The following CACNA1E variants were observed in gnomAD, a reference collection of about 807,000 sequenced individuals.
CACNA1E encodes voltage-dependent R-type calcium channel subunit alpha-1E.
Under a neutral mutation model 259.2 loss-of-function variants are expected in CACNA1E, and 40 were observed. That is an observed-to-expected ratio of 0.15 (90% CI 0.12 to 0.20). The LOEUF (loss-of-function observed/expected upper bound fraction) is 0.20. Among genes scored for constraint, CACNA1E ranks in the 10% least tolerant of loss-of-function variants. The probability of loss-of-function intolerance (pLI) is 1.00; values close to 1 mark genes in which losing one functional copy is unlikely to be tolerated. For missense variants in CACNA1E, 1,874 were observed against 3,040.1 expected, an observed-to-expected ratio of 0.62 and a Z score of 9.02; for synonymous variants, 1,104 against 1,138.5, an observed-to-expected ratio of 0.97 and a Z score of 0.61.
intron 1 of CACNA1E, among the ~76,000 whole-genome samples, chr1:181,324,885 G>A (rs762195917): frequency 1.3e-5 from 2 of 152,260 alleles, no homozygotes; most frequent in East Asian, 3.9e-4. Context: ...GCGGACAGAG[G>A]TTAGCTTAGC....
chr1:181,338,122 C>G (rs1295519082), intron 1 of CACNA1E, among the ~76,000 whole-genome samples: 3 of 152,048 alleles, frequency 2.0e-5, no homozygotes, highest in African/African-American at 7.2e-5. Flanking sequence ...GTCTCGTGCT[C>G]TCACCCAGGC....
intron 3 of CACNA1E, among the ~76,000 whole-genome samples, chr1:181,538,771 A>T (rs1046777073): frequency 6.6e-6 from 1 of 152,208 alleles, no homozygotes; most frequent in Non-Finnish European, 1.5e-5. Flanking sequence ...GGGAAAGTGG[A>T]GGAAAGCAAA....
chr1:181,373,568 C>T (rs1360224178), intron 1 of CACNA1E, among the ~76,000 whole-genome samples: 4 of 136,730 alleles, frequency 2.9e-5, no homozygotes, highest in Admixed American at 8.0e-5. Flanking sequence ...GACGGAGACT[C>T]GCTCTGTCGC....
At chr1:181,563,855 A>G (rs1258876967) in intron 3 of CACNA1E, among the ~76,000 whole-genome samples, 4 of 152,234 alleles carry the variant, frequency 2.6e-5, no homozygotes, top group South Asian at 2.1e-4. Context: ...AGAAAGTCAC[A>G]TAAATTCTTT....
chr1:181,713,994 C>T (rs1428734155), intron 8 of CACNA1E, among the ~76,000 whole-genome samples: 2 of 152,196 alleles, frequency 1.3e-5, no homozygotes, highest in Admixed American at 6.5e-5. Context: ...ATTATTTCAT[C>T]ATCAACCAGT....
intron 1 of CACNA1E, among the ~76,000 whole-genome samples, chr1:181,393,826 A>G (rs1044929959): frequency 1.3e-5 from 2 of 152,216 alleles, no homozygotes; most frequent in African/African-American, 2.4e-5. Context: ...CTTAAAAACC[A>G]TTACATTTCA....
intron 3 of CACNA1E, among the ~76,000 whole-genome samples, chr1:181,573,243 G>A (rs1650598526): frequency 6.6e-6 from 1 of 152,178 alleles, no homozygotes; most frequent in East Asian, 1.9e-4. Context: ...TCACTGCGGT[G>A]TTTCCCATTC....
At chr1:181,633,947 A>G (rs1225402200) in intron 6 of CACNA1E, among the ~76,000 whole-genome samples, 1 of 152,244 alleles carries the variant, frequency 6.6e-6, no homozygotes, top group African/African-American at 2.4e-5. Flanking sequence ...GGGTTTTCCT[A>G]TTAGCCTATG....
At chr1:181,453,782 C>G (rs1415630910) in intron 2 of CACNA1E, among the ~76,000 whole-genome samples, 1 of 152,166 alleles carries the variant, frequency 6.6e-6, no homozygotes, top group Admixed American at 6.5e-5. Flanking sequence ...GAGCTGTGGG[C>G]TCCAGAGGAA....
At chr1:181,368,740 C>T (rs974441161) in intron 1 of CACNA1E, among the ~76,000 whole-genome samples, 2 of 152,110 alleles carry the variant, frequency 1.3e-5, no homozygotes, top group East Asian at 1.9e-4. Flanking sequence ...CAAAGCCCCT[C>T]GCACTCCACA....
intron 3 of CACNA1E, among the ~76,000 whole-genome samples, chr1:181,532,469 C>A (rs1572124073): frequency 6.6e-6 from 1 of 152,228 alleles, no homozygotes; most frequent in Admixed American, 6.5e-5. Context: ...AAGCTTCTCC[C>A]AAGCTTGGTG....
chr1:181,758,136 C>CAACT lies in CACNA1E; in HGVS notation c.4494+25_4494+26insAACT, dbSNP rs751465510. ...GGTGAGAGGAGAGAGGCACAAGAGC[C>CAACT]GACTGAGCCCCAGCGATGGTTCCCT... On this transcript the variant is annotated intron_variant, in intron 31 of 47. Coordinates refer to ENST00000367573, the MANE Select transcript of CACNA1E (RefSeq NM_001205293.3). This position sits in a 1 kb window ranked among gnomAD's most constrained non-coding sequence, Gnocchi z 4.2. 2 of 1,607,068 alleles carry CAACT rather than the reference C, an allele frequency of 1.2e-6. No individual in the cohort carries two copies. The highest frequency in any genetic ancestry group is 1.7e-6 in the Non-Finnish European group (2 of 1,175,498).
chr1:181,393,113 T>A (rs997169134), intron 1 of CACNA1E, among the ~76,000 whole-genome samples: 5 of 152,200 alleles, frequency 3.3e-5, no homozygotes, highest in African/African-American at 1.2e-4. Flanking sequence ...GCTGCAGGTG[T>A]TGTTTACATG....
At chr1:181,774,589 C>T (rs1249588289) in intron 37 of CACNA1E, among the ~76,000 whole-genome samples, 2 of 152,246 alleles carry the variant, frequency 1.3e-5, no homozygotes, top group African/African-American at 4.8e-5. Flanking sequence ...GTGTGTCCCT[C>T]ATCCTCATGG....
At chr1:181,453,708 G>T (rs1475247300) in intron 2 of CACNA1E, among the ~76,000 whole-genome samples, 1 of 152,206 alleles carries the variant, frequency 6.6e-6, no homozygotes, top group East Asian at 1.9e-4. Context: ...CTGGACAGAA[G>T]GTCTAGCAAG....
chr1:181,482,579 C>T (rs1663362298), upstream of CACNA1E, among the ~76,000 whole-genome samples: 1 of 152,264 alleles, frequency 6.6e-6, no homozygotes, highest in African/African-American at 2.4e-5. Flanking sequence ...TGGCCAGCTC[C>T]TCCCCCGCTT....
intron 2 of CACNA1E, among the ~76,000 whole-genome samples, chr1:181,425,994 A>G (rs1659162348): frequency 6.6e-6 from 1 of 152,114 alleles, no homozygotes; most frequent in Non-Finnish European, 1.5e-5. Context: ...GTGATGAGGA[A>G]CCTGCAACCC....
intron 3 of CACNA1E, among the ~76,000 whole-genome samples, chr1:181,572,133 C>T (rs1421941145): frequency 6.6e-6 from 1 of 152,024 alleles, no homozygotes; most frequent in Non-Finnish European, 1.5e-5. Context: ...CAGGCATAGA[C>T]TTGTACAGTG....
chr1:181,574,094 G>A (rs1572252517), intron 3 of CACNA1E, among the ~76,000 whole-genome samples: 1 of 152,300 alleles, frequency 6.6e-6, no homozygotes, highest in African/African-American at 2.4e-5. Flanking sequence ...CATGGACACA[G>A]GGAGGGGAAC....
Sources: gnomAD v4.1 joint callset for allele counts (sites outside exome capture counted in the v4.1 genomes callset) on GRCh38, gnomAD v4.1.1 for gene constraint, Gnocchi (gnomAD v3.1) non-coding constraint, MANE v1.5 for transcripts, NCBI Gene and HGNC (gene_info 2026-07-23, HGNC 2026-07-21) for gene names.